The following DTHD1 variants were observed in gnomAD, a reference collection of about 807,000 sequenced individuals.
The protein encoded by DTHD1 is death domain-containing protein 1.
Under a neutral mutation model 74.8 loss-of-function variants are expected in DTHD1, and 59 were observed. That is an observed-to-expected ratio of 0.79 (90% confidence interval 0.64 to 0.98). The LOEUF is 0.98. DTHD1 is among the 50% of genes least tolerant of loss of function. DTHD1 has a pLI of 0.00. For synonymous variants in DTHD1, 365 were observed against 371.1 expected (o/e 0.98, Z 0.19); for missense variants, 1,051 against 1,065.4 (o/e 0.99, Z 0.19).
chr4:36,338,721 G>A (rs1055761977), intron 8 of DTHD1, among the ~76,000 whole-genome samples: 1 of 152,038 alleles, frequency 6.6e-6, no homozygotes, highest in African/African-American at 2.4e-5. Context: ...GCCAGGTTCT[G>A]TGCTGTGTTG....
At position 36,284,223 on chromosome 4, in the gene DTHD1, C is replaced by T; in HGVS notation, c.519C>T (p.Asn173=). ...PTNGEESHYT[N]QVQLEKNKTH... is the part of the protein sequence containing the mutation. ...ATGGAGAGGAAAGTCATTACACAAA[C>T]CAGGTCCAGTTAGAAAAAAATAAAA... is the stretch of plus-strand genomic sequence containing the variant. The change falls in exon 2 of 10, where the codon AAC becomes AAT. Residue 173 remains asparagine, a synonymous_variant. Transcript: ENST00000639862. 1 of 1,537,116 alleles carries T rather than the reference C, an allele frequency of 6.5e-7. No homozygotes were observed. The highest frequency in any genetic ancestry group is 8.7e-7 in the Non-Finnish European group (1 of 1,146,856).
chr4:36,281,893 C>T lies in DTHD1; in HGVS notation c.135C>T (p.Ala45=), dbSNP rs903228833. 1.6e-6 allele frequency: 2 copies of T among 1,288,590 alleles called. No individual in the cohort carries two copies. Among genetic ancestry groups the T allele is most frequent in the Non-Finnish European group, 2.0e-6 (2 of 1,013,690 alleles). The allele number at this position is 1,288,590 out of a possible 1,614,324, so 79.8% of individuals were successfully genotyped here. Residue 45 remains alanine, a synonymous_variant, in exon 1 of 10, where the codon GCC becomes GCT. Transcript: ENST00000639862. ...CEGAGGATWM[A]TVVFLGQELS... Reference sequence around the variant, plus strand: ...GGGCTGGTGGGGCCACTTGGATGGCCACTGTGGTCTTTCTGGGTCAGGAAC... The same window carrying T: ...GGGCTGGTGGGGCCACTTGGATGGCTACTGTGGTCTTTCTGGGTCAGGAAC...
intron 2 of DTHD1, among the ~76,000 whole-genome samples, chr4:36,286,838 C>T (rs1264640296): frequency 6.6e-6 from 1 of 152,158 alleles, no homozygotes; most frequent in Non-Finnish European, 1.5e-5. Flanking sequence ...CATATCTAAA[C>T]ATAGAAATGG....
chr4:36,328,469 C>CGT (rs140444690), intron 8 of DTHD1, among the ~76,000 whole-genome samples: 3 of 152,080 alleles, frequency 2.0e-5, no homozygotes, highest in South Asian at 2.1e-4. Flanking sequence ...GAAAAAAAAC[C>CGT]GTGTGTGTGT....
intron 8 of DTHD1, among the ~76,000 whole-genome samples, chr4:36,322,112 C>T (rs1479957095): frequency 6.6e-6 from 1 of 151,846 alleles, no homozygotes; most frequent in African/African-American, 2.4e-5. Context: ...CCTCTTTAAT[C>T]TGCCCTATTT....
chr4:36,295,554 T>C (rs1316154403), intron 5 of DTHD1, among the ~76,000 whole-genome samples: 18 of 151,638 alleles, frequency 1.2e-4, no homozygotes, highest in Admixed American at 1.2e-3. Context: ...GAAAAACAAA[T>C]CAATACCAAG....
chr4:36,309,850 A>G (rs893698407), intron 7 of DTHD1, among the ~76,000 whole-genome samples: 1 of 152,226 alleles, frequency 6.6e-6, no homozygotes, highest in Admixed American at 6.5e-5. Context: ...AATGATTTCA[A>G]CAACGAGTTT....
rs1245386797 is a variant in DTHD1, at chr4:36,306,372, T to A, written c.1805+20T>A. 1.3e-6 allele frequency: 2 copies of A among 1,518,842 alleles called. No homozygotes were observed. The highest frequency in any genetic ancestry group is 2.1e-5 in the Admixed American group (1 of 47,820). 94.1% of individuals were successfully genotyped at this position (1,518,842 alleles called of 1,614,324 possible). Reference sequence around the variant, plus strand: ...GGAGAGGTAATACCATCAAAAACAATCAAAGTTGATGATACTCTTTCTGAT... The same window carrying A: ...GGAGAGGTAATACCATCAAAAACAAACAAAGTTGATGATACTCTTTCTGAT... On this transcript the variant is annotated intron_variant, in intron 6 of 9. Transcript: ENST00000639862.
In DTHD1 at chr4:36,290,366, C is replaced by G. The variant is rs1755992783; in HGVS notation, c.888-7C>G. On this transcript the variant is annotated splice_polypyrimidine_tract_variant and splice_region_variant and intron_variant, in intron 2 of 9. Coordinates refer to ENST00000639862, the MANE Select transcript of DTHD1 (RefSeq NM_001170700.3). Reference sequence around the variant, plus strand: ...TTGGAAAAATGACATTCTTTTTCCCCCTCCAGGTATCTTGATGTGCTGAGT... The same window carrying G: ...TTGGAAAAATGACATTCTTTTTCCCGCTCCAGGTATCTTGATGTGCTGAGT... The G allele has an allele frequency of 1.8e-5, 28 of 1,535,056 alleles. No individual in the cohort carries two copies. The highest frequency in any genetic ancestry group is 2.5e-5 in the Non-Finnish European group (28 of 1,138,246).
rs1049284210 is a variant in DTHD1 at position 36,290,801 on chromosome 4, T to C, written c.1218+98T>C. 5 of 944,742 alleles carry C rather than the reference T, an allele frequency of 5.3e-6. No homozygotes were observed. In the Admixed American group the frequency reaches 8.6e-5, roughly 16 times the overall value. 58.5% of individuals were successfully genotyped at this position (944,742 alleles called of 1,614,324 possible). ...TGTAGTGTAGATATAATTGCTCCAC[T>C]AGTAATAAATGGAAGGACTTTTGAA... On this transcript the variant is annotated intron_variant, in intron 3 of 9. Transcript: ENST00000639862.
chr4:36,331,828 C>T (rs958813116), intron 8 of DTHD1, among the ~76,000 whole-genome samples: 3 of 152,190 alleles, frequency 2.0e-5, no homozygotes, highest in East Asian at 3.8e-4. Flanking sequence ...AAGTTCTTAC[C>T]GTGTTACTTT....
chr4:36,294,924 A>G lies in DTHD1; in HGVS notation c.1528A>G (p.Thr510Ala). Residue 510 changes from threonine to alanine, a missense_variant, in exon 5 of 10, where the codon ACT becomes GCT. Thr to Ala is a moderately conservative substitution (Grantham distance 58, BLOSUM62 0). Transcript: ENST00000639862. ...PSTYPFQKPV[T>A]LFLPCSPYLD... is the part of the protein sequence containing the mutation. ...AACTTATCCTTTTCAGAAGCCAGTC[A>G]CTTTGTTTTTACCTTGTTCTCCATA... 1 of 1,551,950 alleles carries G rather than the reference A, an allele frequency of 6.4e-7. No homozygotes were observed. Among genetic ancestry groups the G allele is most frequent in the Non-Finnish European group, 8.7e-7 (1 of 1,146,816 alleles).
At chr4:36,332,709 G>A (rs987072481) in intron 8 of DTHD1, 4 of 152,324 alleles carry the variant, frequency 2.6e-5, no homozygotes, top group Non-Finnish European at 5.9e-5. Flanking sequence ...AGAGACTAGT[G>A]TGGTTAGCTC....
At chr4:36,288,439 A>G (rs1410566396) in intron 2 of DTHD1, among the ~76,000 whole-genome samples, 1 of 152,040 alleles carries the variant, frequency 6.6e-6, no homozygotes, top group African/African-American at 2.4e-5. Flanking sequence ...TTCAGGTCTG[A>G]TTTTATGGTT....
intron 8 of DTHD1, chr4:36,334,020 G>C (rs1465383593): frequency 1.3e-5 from 2 of 152,062 alleles, no homozygotes; most frequent in Non-Finnish European, 1.5e-5. Flanking sequence ...ATAGCTTTAG[G>C]TAAGGTGAAG....
At chr4:36,343,439 G>A (rs1759429958) in intron 9 of DTHD1, 63 bp from the exon 10 acceptor site, 1 of 1,462,644 alleles carries the variant, frequency 6.8e-7, no homozygotes, top group Non-Finnish European at 9.2e-7. Context: ...GGTGTGGAGG[G>A]TTAGACCCAT....
rs77784690 is a variant in DTHD1, at chr4:36,339,033, G to T, written c.2341-79G>T. 39 of 1,157,398 alleles carry T rather than the reference G, an allele frequency of 3.4e-5. No homozygotes were observed. In the East Asian group the frequency reaches 9.3e-4, roughly 28 times the overall value. 71.7% of individuals were successfully genotyped at this position (1,157,398 alleles called of 1,614,324 possible). On this transcript the variant is annotated intron_variant, in intron 8 of 9. Coordinates refer to ENST00000639862, the MANE Select transcript of DTHD1 (RefSeq NM_001170700.3). Reference sequence around the variant, plus strand: ...AGTACTTCTTCGAAACAGAGATGATGTTCAGATGAATTTTCGTTGTAGCTT... The same window carrying T: ...AGTACTTCTTCGAAACAGAGATGATTTTCAGATGAATTTTCGTTGTAGCTT...
intron 9 of DTHD1, among the ~76,000 whole-genome samples, chr4:36,339,885 C>T (rs535325692): frequency 6.6e-6 from 1 of 152,152 alleles, no homozygotes; most frequent in Non-Finnish European, 1.5e-5. Context: ...ATATTATAAA[C>T]CCTTTCAGGG....
chr4:36,293,841 A>C, intron 4 of DTHD1, 136 bp downstream of exon 4: 1 of 579,328 alleles, frequency 1.7e-6, no homozygotes, highest in Non-Finnish European at 2.7e-6. Flanking sequence ...TAACGGCCTA[A>C]TATATAGTGA....
Sources: allele counts gnomAD v4.1 joint callset (sites outside exome capture counted in the v4.1 genomes callset), GRCh38; gene constraint gnomAD v4.1.1; transcripts MANE v1.5; gene names NCBI Gene and HGNC (gene_info 2026-07-23, HGNC 2026-07-21).